The following PEF1 variants were observed in gnomAD, a reference collection of about 807,000 sequenced individuals.
PEF1 encodes the protein peflin.
PEF1 carries 17 observed loss-of-function variants against 32.0 expected under a neutral mutation model. The observed-to-expected ratio is 0.53, with a 90% confidence interval of 0.36 to 0.80. PEF1 has a LOEUF of 0.80. PEF1 is among the 30% of genes least tolerant of loss of function. The probability of loss-of-function intolerance (pLI) is 0.00; values close to 1 mark genes in which losing one functional copy is unlikely to be tolerated. For synonymous variants in PEF1, 130 were observed against 139.8 expected (o/e 0.93, Z 0.50); for missense variants, 362 against 369.1 (o/e 0.98, Z 0.16).
chr1:31,635,528 G>C lies in PEF1; in HGVS notation c.25-6C>G. 6.6e-7 allele frequency: 1 copy of C among 1,509,272 alleles called. No homozygotes were observed. The highest frequency in any genetic ancestry group is 1.3e-5 in the South Asian group (1 of 74,562). 93.5% of individuals were successfully genotyped at this position (1,509,272 alleles called of 1,614,324 possible). A position where few individuals can be genotyped will look rare whatever the true frequency, so the allele number is the denominator to read the frequency against. On this transcript the variant is annotated splice_region_variant and splice_polypyrimidine_tract_variant and intron_variant, in intron 1 of 4. Coordinates refer to ENST00000373703, the MANE Select transcript of PEF1 (RefSeq NM_012392.4). ...CCTGCAGCTCCTGGGCAGCCCTGCAGGAAGAGCAAGATATCAGTCAGAATG... is the reference window on the plus strand; with the variant it reads ...CCTGCAGCTCCTGGGCAGCCCTGCACGAAGAGCAAGATATCAGTCAGAATG...
At chr1:31,644,424 A>T (rs1422406673) in intron 1 of PEF1, 4 of 1,067,944 alleles carry the variant, frequency 3.7e-6, no homozygotes, top group East Asian at 1.4e-4. Context: ...ACTCTGATGC[A>T]GTGTGGGGTG....
intron 1 of PEF1, among the ~76,000 whole-genome samples, chr1:31,638,032 G>A (rs1385033976): frequency 6.6e-6 from 1 of 152,218 alleles, no homozygotes; most frequent in African/African-American, 2.4e-5. Flanking sequence ...GACTTAACAT[G>A]TAGACACTGT....
intron 1 of PEF1, among the ~76,000 whole-genome samples, chr1:31,640,071 G>A (rs1640357289): frequency 6.6e-6 from 1 of 152,164 alleles, no homozygotes; most frequent in Admixed American, 6.5e-5. Flanking sequence ...GGAGGGGAAG[G>A]ACAGGAAGAG....
chr1:31,633,889 A>G (rs537782697), intron 2 of PEF1, among the ~76,000 whole-genome samples: 95 of 150,400 alleles, frequency 6.3e-4, no homozygotes, highest in African/African-American at 2.3e-3. Context: ...CGGGAGGTGG[A>G]GGTTGTGGTG....
At chr1:31,643,502 A>C (rs1458261790) in intron 1 of PEF1, among the ~76,000 whole-genome samples, 1 of 152,218 alleles carries the variant, frequency 6.6e-6, no homozygotes, top group Non-Finnish European at 1.5e-5. Context: ...CTAAGGATGC[A>C]ATAAGAGAAG....
rs563684080 is a variant in PEF1, at chr1:31,632,751, C to T, written c.482-113G>A. The T allele has an allele frequency of 8.5e-6, 11 of 1,289,154 alleles. No homozygotes were observed. The East Asian group carries it at 2.5e-4, about 29-fold the overall frequency. The allele number at this position is 1,289,154 out of a possible 1,614,324, so 79.9% of individuals were successfully genotyped here. A position where few individuals can be genotyped will look rare whatever the true frequency, so the allele number is the denominator to read the frequency against. ...CTCCAGGCTGGAGTAGGCGACTTCACAGAACCAAGCCCTGAGGCCCAGATG... is the reference window on the plus strand; with the variant it reads ...CTCCAGGCTGGAGTAGGCGACTTCATAGAACCAAGCCCTGAGGCCCAGATG... On this transcript the variant is annotated intron_variant, in intron 3 of 4. Transcript: ENST00000373703.
At chr1:31,643,245 C>T (rs989791530) in intron 1 of PEF1, among the ~76,000 whole-genome samples, 1 of 152,186 alleles carries the variant, frequency 6.6e-6, no homozygotes, top group African/African-American at 2.4e-5. Context: ...ATATTATATT[C>T]CTTTCTGGAT....
intron 2 of PEF1, 49 bp from the exon 3 acceptor site, chr1:31,633,363 A>G (rs776727159): frequency 6.5e-7 from 1 of 1,548,760 alleles, no homozygotes; most frequent in East Asian, 2.3e-5. Context: ...AGGAAGGGCC[A>G]GCCTCAGTAA....
At chr1:31,632,768 G>T in intron 3 of PEF1, 130 bp from the exon 4 acceptor site, 1 of 1,089,458 alleles carries the variant, frequency 9.2e-7, no homozygotes, top group Non-Finnish European at 1.3e-6. Context: ...AAGCCCTGAG[G>T]CCCAGATGCC....
At chr1:31,637,550 C>T (rs1026414399) in intron 1 of PEF1, among the ~76,000 whole-genome samples, 2 of 144,248 alleles carry the variant, frequency 1.4e-5, no homozygotes, top group South Asian at 4.4e-4. Flanking sequence ...GAGGCTAAAG[C>T]GGAAGGATCA....
chr1:31,629,989 A>G lies in PEF1; in HGVS notation c.*624T>C, dbSNP rs1260285400. 1 of 153,434 alleles carries G rather than the reference A, an allele frequency of 6.5e-6. No homozygotes were observed. The highest frequency in any genetic ancestry group is 1.5e-5 in the Non-Finnish European group (1 of 68,778). 9.5% of individuals were successfully genotyped at this position (153,434 alleles called of 1,614,324 possible). A position where few individuals can be genotyped will look rare whatever the true frequency, so the allele number is the denominator to read the frequency against. ...GTGACCACTGTCTCCTGGAGACTGA[A>G]GCCGAGCAGAGCATGGCAGGCAAGT... is the stretch of plus-strand genomic sequence containing the variant. On this transcript the variant is annotated 3_prime_UTR_variant, in exon 5 of 5. Transcript: ENST00000373703.
chr1:31,639,971 C>T (rs1412035096), intron 1 of PEF1, among the ~76,000 whole-genome samples: 2 of 152,178 alleles, frequency 1.3e-5, no homozygotes, highest in Non-Finnish European at 2.9e-5. Flanking sequence ...CCTGACTCCA[C>T]GTTCTTTTAC....
At chr1:31,633,944 A>G (rs1420731626) in intron 2 of PEF1, among the ~76,000 whole-genome samples, 1 of 151,770 alleles carries the variant, frequency 6.6e-6, no homozygotes, top group Non-Finnish European at 1.5e-5. Context: ...AACAAAAGCG[A>G]AACTCCATCT....
rs147961198 is a variant in PEF1, at chr1:31,644,678, G to A, written c.24+163C>T. The A allele has an allele frequency of 1.1e-4, 162 of 1,474,950 alleles. No homozygotes were observed. In the African/African-American group the frequency reaches 2.0e-3, roughly 19 times the overall value. 91.4% of individuals were successfully genotyped at this position (1,474,950 alleles called of 1,614,324 possible). The stretch of plus-strand genomic sequence containing the variant: ...TGCGGTCCTTCATGACGTGAGCAGG[G>A]CGCGACCGACGGTCCCTTTTCGGTT... On this transcript the variant is annotated intron_variant, in intron 1 of 4. Transcript: ENST00000373703.
intron 1 of PEF1, among the ~76,000 whole-genome samples, chr1:31,641,803 A>G (rs1640397364): frequency 1.3e-5 from 2 of 152,254 alleles, no homozygotes; most frequent in Admixed American, 6.5e-5. Flanking sequence ...TGCCTCTTCA[A>G]TCTGCATAAC....
At chr1:31,639,093 T>C (rs983654031) in intron 1 of PEF1, among the ~76,000 whole-genome samples, 4 of 152,220 alleles carry the variant, frequency 2.6e-5, no homozygotes, top group African/African-American at 9.6e-5. Flanking sequence ...GGCAGTGATA[T>C]TGGAAATGGT....
At chr1:31,638,988 A>G (rs962697921) in intron 1 of PEF1, among the ~76,000 whole-genome samples, 2 of 152,276 alleles carry the variant, frequency 1.3e-5, no homozygotes, top group African/African-American at 4.8e-5. Context: ...CTTATGTGCT[A>G]TCAAGGAAGC....
At chr1:31,635,860 T>C (rs1467407034) in intron 1 of PEF1, among the ~76,000 whole-genome samples, 2 of 152,162 alleles carry the variant, frequency 1.3e-5, no homozygotes, top group Non-Finnish European at 2.9e-5. Flanking sequence ...ACTTGGTAAA[T>C]ATTTCCTGTA....
intron 1 of PEF1, among the ~76,000 whole-genome samples, chr1:31,640,168 G>C (rs959177193): frequency 5.3e-5 from 8 of 152,274 alleles, no homozygotes; most frequent in Middle Eastern, 3.4e-3. Context: ...TGATGCCCTG[G>C]GGGGACTGGG....
Sources: gnomAD v4.1 joint callset for allele counts (sites outside exome capture counted in the v4.1 genomes callset) on GRCh38, gnomAD v4.1.1 for gene constraint, MANE v1.5 for transcripts, NCBI Gene and HGNC (gene_info 2026-07-23, HGNC 2026-07-21) for gene names.